Variants in ABCB1 observed in about 807,000 individuals in gnomAD.
ABCB1 encodes ATP binding cassette subfamily B member 1.
Under a neutral mutation model 142.0 loss-of-function variants are expected in ABCB1, and 69 were observed. That is an observed-to-expected ratio of 0.49 (90% CI 0.40 to 0.59). The LOEUF is 0.59. Ranked by LOEUF, ABCB1 falls within the 20% of genes least tolerant of loss-of-function variation. The pLI is 0.00. For missense variants in ABCB1, 1,326 were observed against 1,554.7 expected, an observed-to-expected ratio of 0.85 and a Z score of 2.47; for synonymous variants, 532 against 539.2, an observed-to-expected ratio of 0.99 and a Z score of 0.18.
intron 1 of ABCB1, among the ~76,000 whole-genome samples, chr7:87,639,153 C>CAA (rs71117547): frequency 0.038 from 3,174 of 82,900 alleles, 238 homozygotes; most frequent in African/African-American, 0.084. Flanking sequence ...GACTCCGTCT[C>CAA]AAAAAAAAAA....
chr7:87,624,527 A>G (rs781126915), intron 1 of ABCB1, among the ~76,000 whole-genome samples: 6 of 152,224 alleles, frequency 3.9e-5, no homozygotes, highest in Admixed American at 6.5e-5. Context: ...TGTTCTGCCC[A>G]TTCGGTTCTA....
At chr7:87,631,161 A>T (rs1049507287) in intron 1 of ABCB1, among the ~76,000 whole-genome samples, 7 of 152,186 alleles carry the variant, frequency 4.6e-5, no homozygotes, top group Admixed American at 1.3e-4. Flanking sequence ...TTGATGGTGC[A>T]TGTAAATTAT....
At chr7:87,554,418 C>T (rs1376851862) in intron 8 of ABCB1, among the ~76,000 whole-genome samples, 2 of 151,806 alleles carry the variant, frequency 1.3e-5, no homozygotes, top group African/African-American at 4.8e-5. Context: ...TCCTGCCTTC[C>T]TCTAGGACTG....
At position 87,686,727 on chromosome 7, in the gene ABCB1, C is replaced by A. The variant is rs28381743; in HGVS notation, c.-331+26434G>T. ...GCCAAGGCAGGCAGATCACTTGAGG[C>A]CCAGGAGTTTGAGACCCACCTGGGC... is the stretch of plus-strand genomic sequence containing the variant. On this transcript the variant is annotated intron_variant, in intron 1 of 28. Transcript: ENST00000265724. 3.0e-3 allele frequency among the ~76,000 whole-genome samples: 451 copies of A among 151,304 alleles called. 2 individuals are homozygous for A. The highest frequency in any genetic ancestry group is 0.011 in the African/African-American group (435 of 41,250).
chr7:87,694,656 G>C (rs1024688769), intron 1 of ABCB1, among the ~76,000 whole-genome samples: 3 of 152,060 alleles, frequency 2.0e-5, no homozygotes, highest in Non-Finnish European at 4.4e-5. Context: ...GATTTCTTCA[G>C]GAGTACGCAT....
At chr7:87,663,292 A>T (rs1049596304) in intron 1 of ABCB1, among the ~76,000 whole-genome samples, 7 of 152,062 alleles carry the variant, frequency 4.6e-5, no homozygotes, top group African/African-American at 1.7e-4. Flanking sequence ...TTTTCTACTT[A>T]AGCATGATGA....
At chr7:87,638,545 C>G (rs1306999139) in intron 1 of ABCB1, among the ~76,000 whole-genome samples, 1 of 151,796 alleles carries the variant, frequency 6.6e-6, no homozygotes, top group Non-Finnish European at 1.5e-5. Flanking sequence ...TTCAGATTTC[C>G]TGTGTCTTCT....
At chr7:87,530,878 G>GAAAGAAAGAA (rs1816023470) in intron 21 of ABCB1, among the ~76,000 whole-genome samples, 1 of 111,316 alleles carries the variant, frequency 9.0e-6, no homozygotes, top group Admixed American at 9.7e-5. Flanking sequence ...AGAAAGAAAA[G>GAAAGAAAGAA]AAAGAAAAAG....
In ABCB1 at chr7:87,680,515, G is replaced by A. The variant is rs565986538; in HGVS notation, c.-331+32646C>T. 1.1e-3 allele frequency among the ~76,000 whole-genome samples: 167 copies of A among 150,852 alleles called. 6 individuals carry two copies. The highest frequency in any genetic ancestry group is 1.9e-3 in the Non-Finnish European group (126 of 67,866). On this transcript the variant is annotated intron_variant, in intron 1 of 28. Coordinates refer to the ABCB1 transcript ENST00000265724. ...ACCTTAAGAAACTAAAAAAGGGGCC[G>A]GGCCCGGTGGCTCACGCCTGTAATC... is the stretch of plus-strand genomic sequence containing the variant.
chr7:87,509,161 T>C lies in ABCB1; in HGVS notation c.3489+114A>G, dbSNP rs41297360. 1.4e-5 allele frequency: 15 copies of C among 1,040,296 alleles called. No homozygotes were observed. The East Asian group carries it at 3.2e-4, about 22-fold the overall frequency. The allele number at this position is 1,040,296 out of a possible 1,614,324, so 64.4% of individuals were successfully genotyped here. ...AGATGCTTGTATACAGGTAAGGGTG[T>C]GATTTGGTTGCTAATTTCTCTTCAC... On this transcript the variant is annotated intron_variant, in intron 26 of 27. Coordinates refer to ENST00000622132, the MANE Select transcript of ABCB1 (RefSeq NM_001348946.2).
intron 22 of ABCB1, among the ~76,000 whole-genome samples, chr7:87,520,405 CCCAGGAAGCA>C (rs1256284248): frequency 1.8e-4 from 28 of 152,218 alleles, no homozygotes; most frequent in Admixed American, 3.9e-4. Flanking sequence ...GACAGGTAAA[CCCAGGAAGCA>C]CCATCCTCTC....
intron 14 of ABCB1, among the ~76,000 whole-genome samples, chr7:87,546,728 C>T (rs1005794475): frequency 2.0e-5 from 3 of 152,224 alleles, no homozygotes; most frequent in African/African-American, 7.2e-5. Flanking sequence ...TCCCGCATGA[C>T]CCCCTGGATG....
At chr7:87,586,367 G>C (rs1818755180) in intron 3 of ABCB1, among the ~76,000 whole-genome samples, 1 of 152,174 alleles carries the variant, frequency 6.6e-6, no homozygotes, top group Non-Finnish European at 1.5e-5. Context: ...ACAGGAAAAG[G>C]ACACAGTTAA....
intron 26 of ABCB1, 134 bp downstream of exon 26, chr7:87,509,141 C>T: frequency 1.2e-6 from 1 of 868,190 alleles, no homozygotes; most frequent in Non-Finnish European, 1.9e-6. Flanking sequence ...TGGCCAGATG[C>T]TTGTATACAG....
intron 1 of ABCB1, among the ~76,000 whole-genome samples, chr7:87,640,756 A>T (rs542699963): frequency 6.6e-6 from 1 of 152,154 alleles, no homozygotes; most frequent in African/African-American, 2.4e-5. Context: ...TTCAGCTTGT[A>T]TGTTTTCTAT....
intron 1 of ABCB1, among the ~76,000 whole-genome samples, chr7:87,672,157 CT>C (rs1279268550): frequency 5.3e-5 from 8 of 152,226 alleles, no homozygotes; most frequent in African/African-American, 1.9e-4. Context: ...GAATTCAAAT[CT>C]GTGTTGTCTG....
Position 87,585,669 on chromosome 7 carries a change from T to C in ABCB1, c.129A>G (p.Ser43=), listed in dbSNP as rs1186269087. 4.3e-6 allele frequency: 7 copies of C among 1,613,740 alleles called. No individual in the cohort carries two copies. The highest frequency in any genetic ancestry group is 5.1e-6 in the Non-Finnish European group (6 of 1,179,852). Residue 43 remains serine (S), a synonymous_variant, in exon 4 of 28, where the codon TCA becomes TCG. Coordinates refer to ENST00000622132, the MANE Select transcript of ABCB1 (RefSeq NM_001348946.2). ...CCATATACAACTTGTCAAGCCAATT[T>C]GAATAGCGAAACTAAAAAGAGAGAA... ...TVSVFSMFRY[S]NWLDKLYMVV...
chr7:87,692,908 T>C (rs965404571), intron 1 of ABCB1, among the ~76,000 whole-genome samples: 2 of 152,250 alleles, frequency 1.3e-5, no homozygotes, highest in South Asian at 2.1e-4. Context: ...TAAAATGTTA[T>C]GGAAGTAAGA....
chr7:87,595,312 G>A (rs1284425533), intron 3 of ABCB1, among the ~76,000 whole-genome samples: 1 of 152,082 alleles, frequency 6.6e-6, no homozygotes, highest in Non-Finnish European at 1.5e-5. Context: ...TTTATTGTTA[G>A]TAATGGATTT....
Sources: allele counts gnomAD v4.1 joint callset (sites outside exome capture counted in the v4.1 genomes callset), GRCh38; gene constraint gnomAD v4.1.1; transcripts MANE v1.5; gene names NCBI Gene and HGNC (gene_info 2026-07-23, HGNC 2026-07-21).